The following TTLL13 variants were observed in gnomAD, a reference collection of about 807,000 sequenced individuals.
TTLL13 encodes tubulin polyglutamylase TTLL13.
the TTLL13 span, chr15:90,262,303 T>C: frequency 1.1e-5 from 14 of 1,239,006 alleles, no homozygotes; most frequent in Non-Finnish European, 1.4e-5. Context: ...GGAATGGAGC[T>C]ATAAATCCTA....
At chr15:90,258,404 G>A in the TTLL13 span, 6 of 780,690 alleles carry the variant, frequency 7.7e-6, no homozygotes, top group South Asian at 9.8e-5. Context: ...GCAGGAATGA[G>A]CAGAAGGCAT....
At chr15:90,256,606 T>TTTCTTTCCTTCC in the TTLL13 span, among the ~76,000 whole-genome samples, 4 of 30,544 alleles carry the variant, frequency 1.3e-4, no homozygotes, top group African/African-American at 4.3e-4. Context: ...TCTTTCTTTC[T>TTTCTTTCCTTCC]TTCCTTCCTT....
chr15:90,263,095 C>T, the TTLL13 span: 6 of 1,535,944 alleles, frequency 3.9e-6, no homozygotes, highest in Admixed American at 2.0e-5. Context: ...GCAGCTCACC[C>T]GTCTGCAGCA....
the TTLL13 span, among the ~76,000 whole-genome samples, chr15:90,257,463 G>A: frequency 4.6e-5 from 7 of 151,942 alleles, no homozygotes; most frequent in Admixed American, 6.6e-5. Flanking sequence ...GTCAGCACCC[G>A]GAGGAGCCCA....
chr15:90,263,145 G>C, the TTLL13 span: 1 of 1,521,674 alleles, frequency 6.6e-7, no homozygotes, highest in Non-Finnish European at 8.7e-7. Context: ...ATGAGAGTCG[G>C]GTGAGGGTCC....
chr15:90,255,917 C>A, the TTLL13 span: 7 of 1,613,446 alleles, frequency 4.3e-6, no homozygotes, highest in Middle Eastern at 3.3e-4. Flanking sequence ...TGCTGAGATA[C>A]CAGGGGGAGG....
chr15:90,258,561 A>G, the TTLL13 span: 1 of 626,414 alleles, frequency 1.6e-6, no homozygotes, highest in Non-Finnish European at 2.8e-6. Context: ...ATTTGCTCTC[A>G]CTGGTCTGTG....
the TTLL13 span, chr15:90,263,201 G>T: frequency 6.6e-5 from 95 of 1,435,968 alleles, no homozygotes; most frequent in Non-Finnish European, 8.1e-5. Context: ...TGTCATTCCA[G>T]GACATGGTGT....
chr15:90,255,102 G>A, the TTLL13 span, among the ~76,000 whole-genome samples: 2 of 152,244 alleles, frequency 1.3e-5, no homozygotes, highest in Non-Finnish European at 2.9e-5. Context: ...GTCCCCCTGT[G>A]CAGACAGGAA....
chr15:90,253,656 A>G, the TTLL13 span, among the ~76,000 whole-genome samples: 40 of 152,250 alleles, frequency 2.6e-4, no homozygotes, highest in African/African-American at 9.4e-4. Flanking sequence ...GGGTGAGCAC[A>G]TCTTAGGGAG....
the TTLL13 span, chr15:90,258,018 C>T: frequency 6.2e-7 from 1 of 1,610,952 alleles, no homozygotes; most frequent in South Asian, 1.1e-5. Context: ...TGGCCTTCCT[C>T]TGAGCACTGG....
chr15:90,254,269 C>G, the TTLL13 span, among the ~76,000 whole-genome samples: 2 of 149,260 alleles, frequency 1.3e-5, no homozygotes, highest in Admixed American at 6.7e-5. Flanking sequence ...CCGAGGCGGG[C>G]GGATCATGAG....
chr15:90,264,976 G>A, the TTLL13 span: 6 of 1,531,506 alleles, frequency 3.9e-6, no homozygotes, highest in Non-Finnish European at 5.2e-6. Context: ...AAAAGCAGGA[G>A]GGAAGCACTC....
chr15:90,259,786 C>T, the TTLL13 span, among the ~76,000 whole-genome samples: 87 of 152,292 alleles, frequency 5.7e-4, 3 homozygotes, highest in African/African-American at 2.0e-3. Flanking sequence ...AATAGAGAAT[C>T]GTTTACATCC....
chr15:90,265,454 T>A, the TTLL13 span: 1 of 1,336,654 alleles, frequency 7.5e-7, no homozygotes, highest in Non-Finnish European at 9.6e-7. Context: ...AATCCGTACT[T>A]TAATTAAAGT....
the TTLL13 span, chr15:90,263,363 C>G: frequency 1.3e-5 from 7 of 526,380 alleles, no homozygotes; most frequent in Non-Finnish European, 2.3e-5. Context: ...CAGCAAGTTG[C>G]AGCTCCAAAC....
the TTLL13 span, chr15:90,265,227 T>G: frequency 7.5e-7 from 1 of 1,335,060 alleles, no homozygotes; most frequent in Middle Eastern, 2.9e-4. Flanking sequence ...AGCCTTAGCC[T>G]GGGTTTATCG....
At chr15:90,250,611 A>G in the TTLL13 span, 1 of 1,607,690 alleles carries the variant, frequency 6.2e-7, no homozygotes, top group Non-Finnish European at 8.5e-7. Context: ...CCACCCCGCA[A>G]CCCCTCAGAA....
chr15:90,262,447 CCCAACA>C, the TTLL13 span: 2 of 1,441,300 alleles, frequency 1.4e-6, no homozygotes, highest in Non-Finnish European at 1.8e-6. Flanking sequence ...CCCTCTTCTC[CCCAACA>C]CCATTTCTCT....
Sources: gnomAD v4.1 joint callset for allele counts (sites outside exome capture counted in the v4.1 genomes callset) on GRCh38, gnomAD v4.1.1 for gene constraint, MANE v1.5 for transcripts, NCBI Gene and HGNC (gene_info 2026-07-23, HGNC 2026-07-21) for gene names.